The following ROBO1 variants were observed in gnomAD, a reference collection of about 807,000 sequenced individuals.
ROBO1 encodes roundabout homolog 1.
Under a neutral mutation model 195.9 loss-of-function variants are expected in ROBO1, and 149 were observed. The observed-to-expected ratio is 0.76, with a 90% CI of 0.67 to 0.87. The LOEUF is 0.87. ROBO1 is among the 40% of genes least tolerant of loss of function. ROBO1 has a pLI of 0.00. For synonymous variants in ROBO1, 816 were observed against 733.2 expected, an observed-to-expected ratio of 1.11 and a Z score of -1.82; for missense variants, 1,933 against 2,068.3, an observed-to-expected ratio of 0.93 and a Z score of 1.27.
rs114207224 is a variant in ROBO1 at position 78,925,089 on chromosome 3, T to C, written c.499+13512A>G. Among the ~76,000 whole-genome samples, 501 of 152,212 alleles carry C rather than the reference T, an allele frequency of 3.3e-3. 5 individuals carry two copies. The highest frequency in any genetic ancestry group is 0.011 in the African/African-American group (470 of 41,544). On this transcript the variant is annotated intron_variant, in intron 4 of 30. Coordinates refer to ENST00000464233, the MANE Select transcript of ROBO1 (RefSeq NM_002941.4). ...ACATGTTAGGTTATTAAAGTAAACATTGAGGTAAACTTTTACACTATACAT... is the reference window on the plus strand; with the variant it reads ...ACATGTTAGGTTATTAAAGTAAACACTGAGGTAAACTTTTACACTATACAT...
At chr3:79,034,409 T>C (rs2078347706) in intron 3 of ROBO1, among the ~76,000 whole-genome samples, 1 of 152,188 alleles carries the variant, frequency 6.6e-6, no homozygotes, top group Non-Finnish European at 1.5e-5. Context: ...GTGCATGGTC[T>C]TTTTATGACC....
chr3:79,332,242 A>C (rs1195606605), intron 2 of ROBO1, among the ~76,000 whole-genome samples: 2 of 152,138 alleles, frequency 1.3e-5, no homozygotes, highest in African/African-American at 4.8e-5. Context: ...ACAAGTGCTA[A>C]CATATTTAAA....
At chr3:79,013,023 A>G (rs1347043714) in intron 3 of ROBO1, among the ~76,000 whole-genome samples, 1 of 152,084 alleles carries the variant, frequency 6.6e-6, no homozygotes, top group South Asian at 2.1e-4. Context: ...CAACCAGCTG[A>G]TCAACCAGGT....
At chr3:79,237,896 T>C (rs935872732) in intron 2 of ROBO1, among the ~76,000 whole-genome samples, 1 of 152,128 alleles carries the variant, frequency 6.6e-6, no homozygotes, top group African/African-American at 2.4e-5. Flanking sequence ...CAGCAGCTCA[T>C]ATTGTAAAGG....
At chr3:78,712,446 A>G (rs1474092120) in intron 8 of ROBO1, among the ~76,000 whole-genome samples, 1 of 152,166 alleles carries the variant, frequency 6.6e-6, no homozygotes, top group African/African-American at 2.4e-5. Context: ...GAAAAAAGGC[A>G]TATCTTCTCA....
At chr3:78,737,503 G>A (rs986439726) in intron 5 of ROBO1, among the ~76,000 whole-genome samples, 3 of 152,004 alleles carry the variant, frequency 2.0e-5, no homozygotes, top group African/African-American at 7.3e-5. Context: ...TTCCCTCAAC[G>A]ACACACTGAA....
intron 5 of ROBO1, among the ~76,000 whole-genome samples, chr3:78,730,894 C>T (rs1052580249): frequency 3.3e-5 from 5 of 152,150 alleles, no homozygotes; most frequent in African/African-American, 2.4e-5. Context: ...GAAGAAAATA[C>T]GACCTTAGAA....
chr3:79,191,636 T>C (rs760927520), intron 2 of ROBO1, among the ~76,000 whole-genome samples: 21 of 151,412 alleles, frequency 1.4e-4, no homozygotes, highest in Non-Finnish European at 2.2e-4. Context: ...TAATTTCTCA[T>C]GGAAATTAAT....
intron 1 of ROBO1, among the ~76,000 whole-genome samples, chr3:79,672,460 A>G (rs1946659468): frequency 6.6e-6 from 1 of 151,962 alleles, no homozygotes; most frequent in Admixed American, 6.6e-5. Context: ...TAACTCATCC[A>G]ATAAGTTAAT....
chr3:78,608,867 C>G (rs1703623566), intron 28 of ROBO1, among the ~76,000 whole-genome samples: 1 of 152,016 alleles, frequency 6.6e-6, no homozygotes. Flanking sequence ...AAAAGAACAT[C>G]ACTGAAGGTA....
intron 3 of ROBO1, among the ~76,000 whole-genome samples, chr3:79,103,753 T>A (rs1349944548): frequency 2.0e-5 from 3 of 151,756 alleles, no homozygotes; most frequent in Non-Finnish European, 4.4e-5. Context: ...CATATATACA[T>A]ATATATGCTA....
intron 26 of ROBO1, among the ~76,000 whole-genome samples, chr3:78,621,331 A>G (rs1434844892): frequency 6.6e-6 from 1 of 152,202 alleles, no homozygotes; most frequent in Admixed American, 6.5e-5. Context: ...CTTCTTAAAG[A>G]CATGTAAGAC....
intron 1 of ROBO1, among the ~76,000 whole-genome samples, chr3:79,631,305 A>G (rs56805445): frequency 7.3e-4 from 111 of 152,182 alleles, no homozygotes; most frequent in African/African-American, 2.5e-3. Context: ...TCAATGGAAC[A>G]GAATAGAGAA....
intron 8 of ROBO1, among the ~76,000 whole-genome samples, chr3:78,711,528 C>T (rs543620851): frequency 1.3e-5 from 2 of 149,642 alleles, no homozygotes; most frequent in African/African-American, 2.5e-5. Flanking sequence ...TCTTGTTGCC[C>T]AAGCTAGAAT....
intron 1 of ROBO1, among the ~76,000 whole-genome samples, chr3:79,734,329 A>G (rs1185263402): frequency 6.6e-6 from 1 of 152,170 alleles, no homozygotes; most frequent in Non-Finnish European, 1.5e-5. Flanking sequence ...AAAAACATAC[A>G]AAGCAAAACA....
At chr3:78,773,932 C>G (rs891120939) in intron 4 of ROBO1, among the ~76,000 whole-genome samples, 1 of 152,188 alleles carries the variant, frequency 6.6e-6, no homozygotes, top group Non-Finnish European at 1.5e-5. Context: ...GATATCTTGG[C>G]TCTGTCACTG....
chr3:78,724,948 A>C (rs2082128631), intron 5 of ROBO1, among the ~76,000 whole-genome samples: 1 of 152,174 alleles, frequency 6.6e-6, no homozygotes, highest in African/African-American at 2.4e-5. Flanking sequence ...CGAATTGTAA[A>C]CCTATCAAAA....
chr3:79,239,379 T>C (rs1305383109), intron 2 of ROBO1, among the ~76,000 whole-genome samples: 1 of 152,232 alleles, frequency 6.6e-6, no homozygotes, highest in Non-Finnish European at 1.5e-5. Flanking sequence ...AGAATCACTA[T>C]TCCCTGAACC....
At chr3:79,527,268 T>C (rs1270325375) in intron 2 of ROBO1, among the ~76,000 whole-genome samples, 1 of 152,160 alleles carries the variant, frequency 6.6e-6, no homozygotes, top group East Asian at 1.9e-4. Context: ...AAGTCTACAC[T>C]AATAATTAAA....
Sources: gnomAD v4.1 joint callset for allele counts (sites outside exome capture counted in the v4.1 genomes callset) on GRCh38, gnomAD v4.1.1 for gene constraint, MANE v1.5 for transcripts, NCBI Gene and HGNC (gene_info 2026-07-23, HGNC 2026-07-21) for gene names.